RSPO3: variants seen among roughly 807,000 people sequenced by gnomAD.
RSPO3 encodes the protein R-spondin-3.
RSPO3 carries 17 observed loss-of-function variants against 36.5 expected under a neutral mutation model. The observed-to-expected ratio is 0.47, with a 90% confidence interval of 0.32 to 0.70. RSPO3 has a LOEUF of 0.70. Among genes scored for constraint, RSPO3 ranks in the 30% least tolerant of loss-of-function variants. The pLI is 0.04. For missense variants in RSPO3, 294 were observed against 322.5 expected, an observed-to-expected ratio of 0.91 and a Z score of 0.68; for synonymous variants, 108 against 107.0, an observed-to-expected ratio of 1.01 and a Z score of -0.06.
intron 4 of RSPO3, among the ~76,000 whole-genome samples, chr6:127,180,503 A>C (rs1321246049): frequency 2.0e-5 from 3 of 149,630 alleles, no homozygotes; most frequent in African/African-American, 4.9e-5. Context: ...AAAAAAAAAA[A>C]AAAAAAAAAA....
chr6:127,121,345 A>T (rs573308341), intron 1 of RSPO3, among the ~76,000 whole-genome samples: 40 of 152,338 alleles, frequency 2.6e-4, no homozygotes, highest in African/African-American at 8.7e-4. Flanking sequence ...GGCCGAGAGG[A>T]GTCAAAAGGC....
At chr6:127,119,435 A>G in intron 1 of RSPO3, 146 bp downstream of exon 1, 1 of 646,694 alleles carries the variant, frequency 1.5e-6, no homozygotes. Flanking sequence ...CTTTGGGGGT[A>G]TGGACGGCGT....
At chr6:127,155,544 C>A in intron 4 of RSPO3, 106 bp downstream of exon 4, 1 of 1,036,518 alleles carries the variant, frequency 9.6e-7, no homozygotes, top group Non-Finnish European at 1.4e-6. Flanking sequence ...TGCCTAATAT[C>A]CTAAAATGTG....
intron 4 of RSPO3, among the ~76,000 whole-genome samples, chr6:127,166,436 T>A (rs973445732): frequency 6.6e-6 from 1 of 152,038 alleles, no homozygotes; most frequent in Non-Finnish European, 1.5e-5. Flanking sequence ...TTTGGAACCA[T>A]GTGGTTTCAA....
At chr6:127,167,618 TTTA>T (rs1378692482) in intron 4 of RSPO3, among the ~76,000 whole-genome samples, 2 of 151,854 alleles carry the variant, frequency 1.3e-5, no homozygotes, top group Admixed American at 6.6e-5. Flanking sequence ...AATGATTTTT[TTTA>T]TTATTATACT....
intron 1 of RSPO3, among the ~76,000 whole-genome samples, chr6:127,129,679 C>T (rs1438653525): frequency 2.6e-5 from 4 of 151,998 alleles, no homozygotes; most frequent in East Asian, 1.9e-4. Flanking sequence ...TTACCATAAG[C>T]GTGCAAGAGA....
intron 1 of RSPO3, among the ~76,000 whole-genome samples, chr6:127,137,969 T>C (rs1426079950): frequency 6.6e-6 from 1 of 152,210 alleles, no homozygotes; most frequent in Non-Finnish European, 1.5e-5. Flanking sequence ...CTTCCAGTAA[T>C]CATTGAATAA....
At position 127,196,162 on chromosome 6, in the gene RSPO3, T is replaced by G. The variant is rs1285118851; in HGVS notation, c.*155T>G. The G allele has an allele frequency of 3.8e-6, 2 of 526,136 alleles. No homozygotes were observed. Among genetic ancestry groups the G allele is most frequent in the Non-Finnish European group, 6.2e-6 (2 of 321,714 alleles). The allele number at this position is 526,136 out of a possible 1,614,324, so 32.6% of individuals were successfully genotyped here. A position where few individuals can be genotyped will look rare whatever the true frequency, so the allele number is the denominator to read the frequency against. Reference sequence around the variant, plus strand: ...AGTTGCTATATTCTTCATACAAGCATAGTTAACAACAAAGAGCCAAAAGAT... The same window carrying G: ...AGTTGCTATATTCTTCATACAAGCAGAGTTAACAACAAAGAGCCAAAAGAT... On this transcript the variant is annotated 3_prime_UTR_variant, in exon 5 of 5. Transcript: ENST00000356698.
At chr6:127,125,857 G>A (rs566048766) in intron 1 of RSPO3, among the ~76,000 whole-genome samples, 1 of 152,134 alleles carries the variant, frequency 6.6e-6, no homozygotes, top group Non-Finnish European at 1.5e-5. Flanking sequence ...GGTCACTTCA[G>A]AGCTTCCCTA....
chr6:127,136,840 T>C (rs1348456484), intron 1 of RSPO3, among the ~76,000 whole-genome samples: 3 of 152,152 alleles, frequency 2.0e-5, no homozygotes, highest in African/African-American at 7.2e-5. Flanking sequence ...AAGGCATGTA[T>C]ATTAGAGGAA....
At chr6:127,142,874 T>C (rs1582792311) in intron 1 of RSPO3, among the ~76,000 whole-genome samples, 1 of 152,134 alleles carries the variant, frequency 6.6e-6, no homozygotes, top group East Asian at 1.9e-4. Context: ...TGGAGTGCAA[T>C]GGTACAGTCT....
At chr6:127,180,138 T>C (rs1202682341) in intron 4 of RSPO3, among the ~76,000 whole-genome samples, 1 of 151,850 alleles carries the variant, frequency 6.6e-6, no homozygotes, top group African/African-American at 2.4e-5. Flanking sequence ...TAAATTATTA[T>C]TGGCTCTTAA....
At position 127,197,569 on chromosome 6, in the gene RSPO3, C is replaced by CGGCT. The variant is rs374476916; in HGVS notation, c.*1564_*1567dup. On this transcript the variant is annotated 3_prime_UTR_variant, in exon 5 of 5. Coordinates refer to ENST00000356698, the MANE Select transcript of RSPO3 (RefSeq NM_032784.5). ...CTTCCTGTTGTCATGGAAGGATGCA[C>CGGCT]GGCTGCTCTGTCCACTGTGATTCCT... 4 of 1,543,920 alleles carry CGGCT rather than the reference C, an allele frequency of 2.6e-6. No homozygotes were observed. In the African/African-American group the frequency reaches 4.1e-5, roughly 16 times the overall value.
At chr6:127,148,207 TA>T (rs1359598585) in intron 1 of RSPO3, among the ~76,000 whole-genome samples, 1 of 152,036 alleles carries the variant, frequency 6.6e-6, no homozygotes, top group Non-Finnish European at 1.5e-5. Flanking sequence ...CTCCATTACA[TA>T]AATGAAAAGC....
intron 1 of RSPO3, among the ~76,000 whole-genome samples, chr6:127,141,228 A>T (rs1392569740): frequency 2.0e-5 from 3 of 152,162 alleles, no homozygotes; most frequent in Non-Finnish European, 4.4e-5. Context: ...GCCTACTTGC[A>T]TCTATCTTTC....
At position 127,195,878 on chromosome 6, in the gene RSPO3, A is replaced by T. The variant is rs1332747334; in HGVS notation, c.690A>T (p.Glu230Asp). ...AACCTAATAAAGGAGAAAGTAAAGA[A>T]GCAATACCTGACAGCAAAAGTCTGG... ...RKKPNKGESK[E>D]AIPDSKSLES... Residue 230 changes from glutamate to aspartate, a missense_variant, in exon 5 of 5, where the codon GAA becomes GAT. This residue lies in a region of RSPO3 where 190 missense variants were observed against 185.2 expected (regional missense o/e 1.03). Transcript: ENST00000356698. The T allele has an allele frequency of 1.2e-6, 2 of 1,610,166 alleles. No individual in the cohort carries two copies. The highest frequency in any genetic ancestry group is 1.3e-5 in the African/African-American group (1 of 75,020).
intron 4 of RSPO3, 88 bp downstream of exon 4, chr6:127,155,526 A>G (rs1774578773): frequency 8.4e-7 from 1 of 1,194,126 alleles, no homozygotes; most frequent in African/African-American, 1.5e-5. Flanking sequence ...ACTTGGCATT[A>G]TCTTTCATGC....
intron 1 of RSPO3, chr6:127,120,041 C>T (rs1345159328): frequency 6.6e-6 from 1 of 152,256 alleles, no homozygotes; most frequent in African/African-American, 2.4e-5. Context: ...AAGTGTGTCC[C>T]CTGGGACACA....
chr6:127,169,156 C>T (rs1774884993), intron 4 of RSPO3, among the ~76,000 whole-genome samples: 1 of 151,836 alleles, frequency 6.6e-6, no homozygotes, highest in African/African-American at 2.4e-5. Flanking sequence ...TTTACCCTCC[C>T]ACCAACCATG....
Sources: gnomAD v4.1 joint callset for allele counts (sites outside exome capture counted in the v4.1 genomes callset) on GRCh38, gnomAD v4.1.1 for gene constraint, gnomAD v4.1.1 regional missense constraint, MANE v1.5 for transcripts, NCBI Gene and HGNC (gene_info 2026-07-23, HGNC 2026-07-21) for gene names.